The following VSIG1 variants were observed in gnomAD, a reference collection of about 807,000 sequenced individuals.
VSIG1 encodes the protein V-set and immunoglobulin domain-containing protein 1.
In VSIG1, 11 loss-of-function variants were observed where a neutral mutation model predicts 20.1. That is an observed-to-expected ratio of 0.55 (90% CI 0.34 to 0.91). The LOEUF (loss-of-function observed/expected upper bound fraction) is 0.91. Ranked by LOEUF, VSIG1 falls within the 40% of genes least tolerant of loss-of-function variation. VSIG1 has a pLI of 0.02. For synonymous variants in VSIG1, 126 were observed against 116.7 expected (o/e 1.08, Z -0.52); for missense variants, 283 against 298.8 (o/e 0.95, Z 0.39).
At chrX:108,052,707 G>A (rs2030811271) in intron 1 of VSIG1, among the ~76,000 whole-genome samples, 1 of 111,892 alleles carries the variant, frequency 8.9e-6, no homozygotes, top group African/African-American at 3.2e-5. Context: ...TTATTCCACA[G>A]TGTATGCATA....
chrX:108,062,391 A>G (rs1263701963), intron 2 of VSIG1, among the ~76,000 whole-genome samples: 4 of 111,533 alleles, frequency 3.6e-5, no homozygotes, highest in Non-Finnish European at 7.5e-5. Context: ...TTGTCTGCCC[A>G]AAATGCCAGT....
rs2031157102 is a variant in VSIG1 at position 108,067,517 on chromosome X, A to G, written c.412+383A>G. ...ATCTACCTGGGGGAGACTACTGTCA[A>G]CTTATTATTCCTTTTAAGCTCGACA... On this transcript the variant is annotated intron_variant, in intron 3 of 6. Transcript: ENST00000217957. Among the ~76,000 whole-genome samples, 4 of 112,135 alleles carry G rather than the reference A, an allele frequency of 3.6e-5. No individual in the cohort carries two copies. The South Asian group carries it at 1.1e-3, about 31-fold the overall frequency.
At chrX:108,057,386 C>A (rs764086006) in intron 1 of VSIG1, among the ~76,000 whole-genome samples, 2 of 112,067 alleles carry the variant, frequency 1.8e-5, no homozygotes, top group Non-Finnish European at 3.8e-5. Context: ...CATGTGCACA[C>A]ACACAGCAGT....
rs1445433228 is a variant in VSIG1, at chrX:108,064,110, A to G, written c.214-2826A>G. On this transcript the variant is annotated intron_variant, in intron 2 of 6. Transcript: ENST00000217957. ...GCCCTTCCTATATGATTAGATAAGCAGTTTCAGGAAAACACTTCTTTCTTT... is the reference window on the plus strand; with the variant it reads ...GCCCTTCCTATATGATTAGATAAGCGGTTTCAGGAAAACACTTCTTTCTTT... 4.5e-5 allele frequency among the ~76,000 whole-genome samples: 5 copies of G among 112,279 alleles called. No individual in the cohort carries two copies. The East Asian group carries it at 1.4e-3, about 31-fold the overall frequency.
chrX:108,052,127 G>A (rs775723007), intron 1 of VSIG1, among the ~76,000 whole-genome samples: 1 of 111,579 alleles, frequency 9.0e-6, no homozygotes, highest in South Asian at 3.8e-4. Context: ...AAAAGCATAA[G>A]ATTTTAGTCT....
In VSIG1 at chrX:108,073,314, T is replaced by C. The variant is rs758411825; in HGVS notation, c.633T>C (p.Cys211=). Residue 211 remains cysteine, a synonymous_variant, in exon 5 of 7, where the codon TGT becomes TGC. Transcript: ENST00000217957. ...LTNFEQGYYQ[C]TAINRLGNSS... Reference sequence around the variant, plus strand: ...ATTTTGAACAAGGTTATTACCAGTGTACTGCCATCAACAGACTTGGCAATA... The same window carrying C: ...ATTTTGAACAAGGTTATTACCAGTGCACTGCCATCAACAGACTTGGCAATA... 4 of 1,209,700 alleles carry C rather than the reference T, an allele frequency of 3.3e-6. No individual in the cohort carries two copies. In the African/African-American group the frequency reaches 7.0e-5, roughly 21 times the overall value.
intron 3 of VSIG1, among the ~76,000 whole-genome samples, chrX:108,068,570 G>C (rs2031179477): frequency 9.0e-6 from 1 of 111,601 alleles, no homozygotes; most frequent in Non-Finnish European, 1.9e-5. Context: ...ACAGGAGGAA[G>C]GGGAGGGGAA....
intron 3 of VSIG1, among the ~76,000 whole-genome samples, chrX:108,069,464 C>T (rs1319599175): frequency 2.7e-5 from 3 of 112,056 alleles, no homozygotes; most frequent in African/African-American, 9.7e-5. Flanking sequence ...CGACTATTTG[C>T]AATTCTCAAA....
Position 108,072,730 on chromosome X carries a change from A to C in VSIG1, c.466A>C (p.Thr156Pro). Reference sequence around the variant, plus strand: ...TCAAGGAAGACCAGAAACTGGCCACACTATTTCCCTTTCCTGTCTCTCTGC... The same window carrying C: ...TCAAGGAAGACCAGAAACTGGCCACCCTATTTCCCTTTCCTGTCTCTCTGC... ...SVQGRPETGH[T>P]ISLSCLSALG... The change falls in exon 4 of 7, where the codon ACT becomes CCT. Residue 156 changes from threonine to proline, a missense_variant. Physicochemically the swap from Thr to Pro is conservative, Grantham distance 38. Transcript: ENST00000217957. 8.3e-7 allele frequency: 1 copy of C among 1,210,946 alleles called. No individual in the cohort carries two copies. The highest frequency in any genetic ancestry group is 1.1e-6 in the Non-Finnish European group (1 of 895,012).
intron 1 of VSIG1, among the ~76,000 whole-genome samples, chrX:108,056,128 T>C (rs767777528): frequency 8.9e-6 from 1 of 111,863 alleles, no homozygotes; most frequent in Non-Finnish European, 1.9e-5. Context: ...TCTAAATCAG[T>C]GATTATCTCA....
chrX:108,035,464 C>T, the VSIG1 span, among the ~76,000 whole-genome samples: 1 of 110,691 alleles, frequency 9.0e-6, no homozygotes, highest in African/African-American at 3.3e-5. Flanking sequence ...TGCCTTTCTG[C>T]CATTCTTGGT....
At position 108,058,246 on chromosome X, in the gene VSIG1, C is replaced by G. The variant is rs761135824; in HGVS notation, c.213+45C>G. 8.4e-5 allele frequency: 95 copies of G among 1,130,713 alleles called. No homozygotes were observed. The South Asian group carries it at 1.8e-3, about 21-fold the overall frequency. 93.2% of individuals were successfully genotyped at this position (1,130,713 alleles called of 1,213,427 possible). ...AACTCTTCCCCTTTTGTAGTTCTGA[C>G]TGAAAACTGTTGGGGTAGAAAAAAT... On this transcript the variant is annotated intron_variant, in intron 2 of 6. Coordinates refer to ENST00000217957, the MANE Select transcript of VSIG1 (RefSeq NM_182607.5).
At chrX:108,045,655 G>A (rs1295127464) in intron 1 of VSIG1, among the ~76,000 whole-genome samples, 2 of 112,314 alleles carry the variant, frequency 1.8e-5, no homozygotes, top group South Asian at 3.7e-4. Context: ...TTCTTAAGGA[G>A]TTGTGGTTTT....
chrX:108,048,001 T>TATATATAC (rs1555980440), intron 1 of VSIG1, among the ~76,000 whole-genome samples: 13 of 59,541 alleles, frequency 2.2e-4, no homozygotes, highest in Non-Finnish European at 2.9e-4. Context: ...TATATATATA[T>TATATATAC]ACACATATAT....
the VSIG1 span, among the ~76,000 whole-genome samples, chrX:108,025,467 A>T: frequency 8.9e-6 from 1 of 111,917 alleles, no homozygotes; most frequent in Non-Finnish European, 1.9e-5. Flanking sequence ...AATATTCATG[A>T]CTTTGGGACA....
chrX:108,037,247 C>T, the VSIG1 span, among the ~76,000 whole-genome samples: 2 of 112,352 alleles, frequency 1.8e-5, no homozygotes, highest in Non-Finnish European at 3.8e-5. Flanking sequence ...TACAAAACCA[C>T]AAAATATGTA....
At chrX:108,028,874 G>A in the VSIG1 span, among the ~76,000 whole-genome samples, 422 of 111,628 alleles carry the variant, frequency 3.8e-3, 3 homozygotes, top group African/African-American at 0.013. Flanking sequence ...AAGGATGGTA[G>A]GAAACTAGAA....
the VSIG1 span, among the ~76,000 whole-genome samples, chrX:108,022,280 T>C: frequency 4.5e-5 from 5 of 112,102 alleles, no homozygotes; most frequent in Non-Finnish European, 9.4e-5. Flanking sequence ...GTCAAGTTTA[T>C]TCTTAAGTAT....
chrX:108,033,781 C>G, the VSIG1 span, among the ~76,000 whole-genome samples: 2 of 109,774 alleles, frequency 1.8e-5, no homozygotes, highest in Non-Finnish European at 3.8e-5. Flanking sequence ...TGAGTGTTCC[C>G]GAGCAGCTCC....
Sources: allele counts gnomAD v4.1 joint callset (sites outside exome capture counted in the v4.1 genomes callset), GRCh38; gene constraint gnomAD v4.1.1; transcripts MANE v1.5; gene names NCBI Gene and HGNC (gene_info 2026-07-23, HGNC 2026-07-21).